Variants in EFCAB11 observed in about 807,000 individuals in gnomAD.
The protein encoded by EFCAB11 is EF-hand calcium-binding domain-containing protein 11.
In EFCAB11, 14 loss-of-function variants were observed where a neutral mutation model predicts 23.0. The ratio of observed to expected loss-of-function variants is 0.61; its 90% CI spans 0.40 to 0.95. The LOEUF is 0.95. Ranked by LOEUF, EFCAB11 falls within the 40% of genes least tolerant of loss-of-function variation. The pLI is 0.00. For synonymous variants in EFCAB11, 65 were observed against 66.6 expected, an observed-to-expected ratio of 0.98 and a Z score of 0.11; for missense variants, 198 against 195.8, an observed-to-expected ratio of 1.01 and a Z score of -0.07.
At chr14:89,805,420 T>A (rs1348117496) in intron 5 of EFCAB11, among the ~76,000 whole-genome samples, 1 of 152,206 alleles carries the variant, frequency 6.6e-6, no homozygotes, top group Non-Finnish European at 1.5e-5. Flanking sequence ...GGTACAAACA[T>A]AATGAAGTCT....
At chr14:89,934,534 G>A (rs1236185147) in intron 3 of EFCAB11, among the ~76,000 whole-genome samples, 1 of 152,178 alleles carries the variant, frequency 6.6e-6, no homozygotes, top group East Asian at 1.9e-4. Context: ...ACCAAGAGGA[G>A]AAGTTCAGGA....
At position 89,938,711 on chromosome 14, in the gene EFCAB11, C is replaced by G. The variant is rs368520092; in HGVS notation, c.218-6084G>C. On this transcript the variant is annotated intron_variant, in intron 3 of 5. Coordinates refer to ENST00000316738, the MANE Select transcript of EFCAB11 (RefSeq NM_145231.4). ...CCACGGCAGGCAGATCACCTGAGGT[C>G]AGGAGTTAAAGACCAGCCTGGCCAA... is the stretch of plus-strand genomic sequence containing the variant. Among the ~76,000 whole-genome samples, 72 of 152,182 alleles carry G rather than the reference C, an allele frequency of 4.7e-4. No homozygotes were observed. The South Asian group carries it at 0.014, about 30-fold the overall frequency.
rs1885595262 is a variant in EFCAB11, at chr14:89,796,970, T to A, written c.*273A>T. The A allele has an allele frequency of 4.7e-6, 1 of 214,150 alleles. No homozygotes were observed. The highest frequency in any genetic ancestry group is 9.5e-6 in the Non-Finnish European group (1 of 105,082). 13.3% of individuals were successfully genotyped at this position (214,150 alleles called of 1,614,324 possible). ...AAGGAGACCCCCGGCAGCAACCATC[T>A]CTAGGATTCTGAGATGCAAGTCTAT... is the stretch of plus-strand genomic sequence containing the variant. On this transcript the variant is annotated 3_prime_UTR_variant, in exon 6 of 6. Transcript: ENST00000316738.
rs528495711 is a variant in EFCAB11, at chr14:89,942,193, T to A, written c.217+7904A>T. On this transcript the variant is annotated intron_variant, in intron 3 of 5. Transcript: ENST00000316738. ...TCAATTAAACCTCTTTATAAATTAC[T>A]CAGTCTCAGGTAGTTCTTTATAGCA... Among the ~76,000 whole-genome samples, 185 of 152,302 alleles carry A rather than the reference T, an allele frequency of 1.2e-3. 1 individual carries two copies. The highest frequency in any genetic ancestry group is 3.1e-3 in the Admixed American group (48 of 15,296).
At chr14:89,847,859 AAGAT>A (rs1347955556) in intron 5 of EFCAB11, among the ~76,000 whole-genome samples, 1 of 152,206 alleles carries the variant, frequency 6.6e-6, no homozygotes, top group Non-Finnish European at 1.5e-5. Flanking sequence ...GGCCTTGAGA[AAGAT>A]ACTTAACTTA....
intron 5 of EFCAB11, among the ~76,000 whole-genome samples, chr14:89,928,516 T>C (rs1890264346): frequency 6.6e-6 from 1 of 151,842 alleles, no homozygotes. Context: ...GAAAAGCTCA[T>C]CATGCCACTG....
intron 5 of EFCAB11, among the ~76,000 whole-genome samples, chr14:89,810,951 CAAGCA>C (rs1412937080): frequency 6.6e-6 from 1 of 151,966 alleles, no homozygotes; most frequent in Non-Finnish European, 1.5e-5. Flanking sequence ...TCTATTAATA[CAAGCA>C]AAATAATATT....
chr14:89,849,611 T>TTG (rs973121071), intron 5 of EFCAB11, among the ~76,000 whole-genome samples: 7 of 150,724 alleles, frequency 4.6e-5, no homozygotes, highest in Admixed American at 2.0e-4. Context: ...AATCTGTTTT[T>TTG]TTTTTTTTTT....
intron 5 of EFCAB11, among the ~76,000 whole-genome samples, chr14:89,879,481 C>T (rs1596418941): frequency 1.3e-5 from 2 of 151,382 alleles, no homozygotes; most frequent in Admixed American, 6.6e-5. Context: ...ATTTATCTGG[C>T]TATGGTAAGC....
intron 5 of EFCAB11, chr14:89,923,855 T>C: frequency 1.0e-6 from 1 of 985,428 alleles, no homozygotes; most frequent in Non-Finnish European, 1.2e-6. Flanking sequence ...AAAGGAATTA[T>C]GGGAAGCTAA....
chr14:89,931,745 T>C lies in EFCAB11; in HGVS notation c.320-114A>G. 5.2e-6 allele frequency: 4 copies of C among 769,932 alleles called. No homozygotes were observed. The South Asian group carries it at 5.4e-5, about 10-fold the overall frequency. 47.7% of individuals were successfully genotyped at this position (769,932 alleles called of 1,614,324 possible). A position where few individuals can be genotyped will look rare whatever the true frequency, so the allele number is the denominator to read the frequency against. On this transcript the variant is annotated intron_variant, in intron 4 of 5. Coordinates refer to ENST00000316738, the MANE Select transcript of EFCAB11 (RefSeq NM_145231.4). ...TAATATATTACTAGGAGAAAAGCAG[T>C]AGTTTACGATTGATTTCACAGATAA...
chr14:89,825,102 CAAAAAAA>C (rs35074143), intron 5 of EFCAB11, among the ~76,000 whole-genome samples: 342 of 60,236 alleles, frequency 5.7e-3, no homozygotes, highest in African/African-American at 0.018. Context: ...ATGCTGGGAC[CAAAAAAA>C]AAAAAAAAAA....
chr14:89,931,705 G>A, intron 4 of EFCAB11, 74 bp from the exon 5 acceptor site: 1 of 1,273,940 alleles, frequency 7.8e-7, no homozygotes, highest in Admixed American at 1.9e-5. Context: ...CATAACATTT[G>A]TGCAAAACTT....
chr14:89,933,449 A>G (rs1890469395), intron 3 of EFCAB11, among the ~76,000 whole-genome samples: 2 of 152,264 alleles, frequency 1.3e-5, no homozygotes, highest in South Asian at 2.1e-4. Flanking sequence ...CAAACATACA[A>G]TAACCACATG....
chr14:89,804,679 T>A (rs193215164), intron 5 of EFCAB11, among the ~76,000 whole-genome samples: 10 of 152,324 alleles, frequency 6.6e-5, no homozygotes, highest in African/African-American at 1.9e-4. Flanking sequence ...GCACGTCATA[T>A]CAGATTCTCA....
intron 4 of EFCAB11, among the ~76,000 whole-genome samples, chr14:89,932,065 C>A (rs1053175854): frequency 6.6e-6 from 1 of 152,190 alleles, no homozygotes; most frequent in African/African-American, 2.4e-5. Flanking sequence ...AAGACACTGA[C>A]CCTAGACTCC....
At chr14:89,875,059 G>A (rs1364070773) in intron 5 of EFCAB11, among the ~76,000 whole-genome samples, 1 of 152,166 alleles carries the variant, frequency 6.6e-6, no homozygotes, top group East Asian at 1.9e-4. Context: ...GGACATCTAA[G>A]GGCATCACAG....
At chr14:89,909,434 C>A (rs1889594088) in intron 5 of EFCAB11, among the ~76,000 whole-genome samples, 1 of 152,116 alleles carries the variant, frequency 6.6e-6, no homozygotes, top group Non-Finnish European at 1.5e-5. Context: ...AAAAAATTAG[C>A]TGGGAGTGGT....
chr14:89,912,790 T>C (rs1356455605), intron 5 of EFCAB11, among the ~76,000 whole-genome samples: 1 of 152,198 alleles, frequency 6.6e-6, no homozygotes, highest in African/African-American at 2.4e-5. Flanking sequence ...ACTGCAGGCA[T>C]CACCAGGACT....
Sources: allele counts gnomAD v4.1 joint callset (sites outside exome capture counted in the v4.1 genomes callset), GRCh38; gene constraint gnomAD v4.1.1; transcripts MANE v1.5; gene names NCBI Gene and HGNC (gene_info 2026-07-23, HGNC 2026-07-21).